The following CADPS variants were observed in gnomAD, a reference collection of about 807,000 sequenced individuals.
CADPS encodes the protein calcium dependent secretion activator, also known as calcium-dependent secretion activator 1.
CADPS carries 57 observed loss-of-function variants against 167.3 expected under a neutral mutation model. The ratio of observed to expected loss-of-function variants is 0.34; its 90% CI spans 0.28 to 0.42. The LOEUF (loss-of-function observed/expected upper bound fraction) is 0.42, where lower values mean the gene tolerates loss of function less well. Ranked by LOEUF, CADPS falls within the 20% of genes least tolerant of loss-of-function variation. The pLI is 1.00. For synonymous variants in CADPS, 676 were observed against 635.3 expected (o/e 1.06, Z -0.96); for missense variants, 1,414 against 1,738.1 (o/e 0.81, Z 3.32).
intron 3 of CADPS, among the ~76,000 whole-genome samples, chr3:62,680,513 G>T (rs1022225226): frequency 6.6e-6 from 1 of 151,886 alleles, no homozygotes; most frequent in African/African-American, 2.4e-5. Flanking sequence ...ATGCTCTCCT[G>T]TCCTCCTCTG....
intron 1 of CADPS, among the ~76,000 whole-genome samples, chr3:62,803,521 C>T (rs1417024347): frequency 6.6e-6 from 1 of 151,870 alleles, no homozygotes; most frequent in East Asian, 2.0e-4. Flanking sequence ...TCAAAATGAA[C>T]GTGATGGCCC....
intron 1 of CADPS, among the ~76,000 whole-genome samples, chr3:62,819,712 T>C (rs917476400): frequency 6.6e-6 from 1 of 152,068 alleles, no homozygotes; most frequent in African/African-American, 2.4e-5. Context: ...ACGTAACCAA[T>C]TCCTAATTTT....
chr3:62,511,418 C>G (rs2067794291), intron 17 of CADPS, among the ~76,000 whole-genome samples: 1 of 152,102 alleles, frequency 6.6e-6, no homozygotes, highest in Non-Finnish European at 1.5e-5. Context: ...AGTTCTGTGC[C>G]TCCGTTTGCT....
chr3:62,573,215 C>T (rs1268064071), intron 8 of CADPS, among the ~76,000 whole-genome samples: 16 of 152,138 alleles, frequency 1.1e-4, no homozygotes, highest in Admixed American at 1.0e-3. Context: ...CCTAGAGTAC[C>T]TATAATACTT....
rs1378690254 is a variant in CADPS at position 62,585,276 on chromosome 3, T to G, written c.1486A>C (p.Lys496Gln). The change falls in exon 8 of 30, where the codon AAA (lysine) becomes CAA (glutamine). Residue 496 changes from lysine to glutamine, a missense_variant. This residue lies in a region of CADPS where 157 missense variants were observed against 229.4 expected (regional missense o/e 0.68). Coordinates refer to ENST00000383710, the MANE Select transcript of CADPS (RefSeq NM_003716.4). ...GGGCAGTTTTTGGAGACTGTCATTT[T>G]GTGCCACTCTGACTGTTTGGGGCTG... ...PNSPKQSEWH[K>Q]MTVSKNCPDQ... 6.2e-7 allele frequency: 1 copy of G among 1,613,868 alleles called. No homozygotes were observed. The highest frequency in any genetic ancestry group is 1.3e-5 in the African/African-American group (1 of 74,918).
At chr3:62,561,004 G>A (rs2079050390) in intron 9 of CADPS, among the ~76,000 whole-genome samples, 2 of 150,170 alleles carry the variant, frequency 1.3e-5, no homozygotes, top group South Asian at 2.1e-4. Context: ...GCTGGAAATG[G>A]GAAGGCAGAG....
At chr3:62,628,994 C>G (rs1156704172) in intron 6 of CADPS, among the ~76,000 whole-genome samples, 1 of 152,112 alleles carries the variant, frequency 6.6e-6, no homozygotes, top group Admixed American at 6.5e-5. Context: ...GCCTAAGCCA[C>G]CATTGTCTCT....
intron 11 of CADPS, among the ~76,000 whole-genome samples, chr3:62,545,067 A>G (rs2076244649): frequency 6.6e-6 from 1 of 152,176 alleles, no homozygotes; most frequent in African/African-American, 2.4e-5. Flanking sequence ...TAACTGTTGA[A>G]GACGTTCAGG....
intron 1 of CADPS, among the ~76,000 whole-genome samples, chr3:62,837,014 T>G: frequency 6.6e-6 from 1 of 152,182 alleles, no homozygotes; most frequent in Non-Finnish European, 1.5e-5. Flanking sequence ...CTCTTCCCAA[T>G]GAAGGGAGAG....
At chr3:62,557,534 G>C (rs775203030) in intron 9 of CADPS, 21 bp from the exon 10 acceptor site, 2 of 1,579,664 alleles carry the variant, frequency 1.3e-6, no homozygotes, top group African/African-American at 1.3e-5. Flanking sequence ...AAAGCAGATT[G>C]TGAGGTTGAC....
intron 10 of CADPS, among the ~76,000 whole-genome samples, chr3:62,552,380 A>C (rs1484625667): frequency 6.6e-6 from 1 of 152,186 alleles, no homozygotes; most frequent in African/African-American, 2.4e-5. Context: ...AAGTATAAAA[A>C]ATAAAAAATT....
chr3:62,490,610 A>G (rs538321915), intron 21 of CADPS, among the ~76,000 whole-genome samples: 4 of 152,364 alleles, frequency 2.6e-5, no homozygotes, highest in Middle Eastern at 6.8e-3. Flanking sequence ...CCTGCAGGGT[A>G]TATGTCCCAT....
At chr3:62,400,606 T>C (rs1303905898) in intron 29 of CADPS, among the ~76,000 whole-genome samples, 3 of 150,148 alleles carry the variant, frequency 2.0e-5, no homozygotes, top group Non-Finnish European at 4.4e-5. Context: ...TTTTTCTTTT[T>C]TTTTTTTTTT....
chr3:62,459,640 C>T (rs1410088533), intron 26 of CADPS, among the ~76,000 whole-genome samples: 2 of 152,184 alleles, frequency 1.3e-5, no homozygotes, highest in East Asian at 3.9e-4. Context: ...CCCTTTGGTC[C>T]ATAGTTACAC....
chr3:62,454,108 A>G (rs2058402554), intron 26 of CADPS, among the ~76,000 whole-genome samples: 2 of 152,168 alleles, frequency 1.3e-5, no homozygotes, highest in South Asian at 4.1e-4. Flanking sequence ...TTAAAGTTTG[A>G]GATGTTTAAA....
intron 3 of CADPS, among the ~76,000 whole-genome samples, chr3:62,683,935 A>T (rs1023649967): frequency 6.6e-6 from 1 of 152,074 alleles, no homozygotes; most frequent in Non-Finnish European, 1.5e-5. Flanking sequence ...TATGCTGTCA[A>T]CATGACTTCT....
rs1456392087 is a variant in CADPS at position 62,455,671 on chromosome 3, C to G, written c.3636+9696G>C. 6.6e-6 allele frequency among the ~76,000 whole-genome samples: 1 copy of G among 152,190 alleles called. No individual in the cohort carries two copies. Among genetic ancestry groups the G allele is most frequent in the Non-Finnish European group, 1.5e-5 (1 of 68,044 alleles). On this transcript the variant is annotated intron_variant, in intron 26 of 29. Coordinates refer to ENST00000383710, the MANE Select transcript of CADPS (RefSeq NM_003716.4). The surrounding 1 kb of genome is among the most constrained non-coding windows in gnomAD (Gnocchi z 4.4). ...GGATTTTAAGTGGGGGCCCCTGCCC[C>G]CTTCTGGCATTTTTGTGTTTTGTTT...
At position 62,496,580 on chromosome 3, in the gene CADPS, C is replaced by A. The variant is rs1467188642; in HGVS notation, c.2706+2582G>T. On this transcript the variant is annotated intron_variant, in intron 18 of 29. Transcript: ENST00000383710. ...AGAGCCAAGCTTTGTGGAGTGCTCA[C>A]TTTGTGCCAGGCATAACACCAGATG... Among the ~76,000 whole-genome samples the A allele has an allele frequency of 1.5e-4, 23 of 152,214 alleles. 1 individual carries two copies. The highest frequency in any genetic ancestry group is 1.5e-3 in the Admixed American group (23 of 15,278).
At chr3:62,689,212 C>T (rs1319328462) in intron 3 of CADPS, among the ~76,000 whole-genome samples, 3 of 151,866 alleles carry the variant, frequency 2.0e-5, no homozygotes, top group Admixed American at 2.0e-4. Flanking sequence ...ATTAATTTTT[C>T]CATGCTGTAC....
Sources: gnomAD v4.1 joint callset for allele counts (sites outside exome capture counted in the v4.1 genomes callset) on GRCh38, gnomAD v4.1.1 for gene constraint, gnomAD v4.1.1 regional missense constraint, Gnocchi (gnomAD v3.1) non-coding constraint, MANE v1.5 for transcripts, NCBI Gene and HGNC (gene_info 2026-07-23, HGNC 2026-07-21) for gene names.